SLC25A26: variants seen among roughly 807,000 people sequenced by gnomAD.
The protein encoded by SLC25A26 is solute carrier family 25 member 26, also known as mitochondrial S-adenosylmethionine carrier protein.
SLC25A26 carries 36 observed loss-of-function variants against 37.8 expected under a neutral mutation model. That is an observed-to-expected ratio of 0.95 (90% CI 0.73 to 1.26). The LOEUF (loss-of-function observed/expected upper bound fraction) is 1.26. SLC25A26 is among the 50% of genes most tolerant of loss of function. The pLI is 0.00. For missense variants in SLC25A26, 390 were observed against 331.1 expected, an observed-to-expected ratio of 1.18 and a Z score of -1.38; for synonymous variants, 129 against 122.5, an observed-to-expected ratio of 1.05 and a Z score of -0.35.
At chr3:66,294,238 ACCT>A (rs2074817558) in intron 5 of SLC25A26, among the ~76,000 whole-genome samples, 1 of 151,522 alleles carries the variant, frequency 6.6e-6, no homozygotes, top group African/African-American at 2.4e-5. Flanking sequence ...AGTATCTTTC[ACCT>A]CCTTGGTTAG....
chr3:66,314,829 A>C (rs911647229), intron 5 of SLC25A26, among the ~76,000 whole-genome samples: 1 of 151,654 alleles, frequency 6.6e-6, no homozygotes, highest in African/African-American at 2.4e-5. Flanking sequence ...CAGAGATTCC[A>C]ATTCCTTTTG....
At chr3:66,234,331 C>T (rs182787031) in intron 1 of SLC25A26, among the ~76,000 whole-genome samples, 103 of 152,304 alleles carry the variant, frequency 6.8e-4, no homozygotes, top group Admixed American at 3.9e-4. Context: ...TTTTACTTTC[C>T]TACATTACTT....
chr3:66,346,609 G>T (rs768710591), intron 6 of SLC25A26, among the ~76,000 whole-genome samples: 1 of 152,042 alleles, frequency 6.6e-6, no homozygotes, highest in Non-Finnish European at 1.5e-5. Flanking sequence ...TAGGAAATAG[G>T]CATAGCAGGT....
intron 5 of SLC25A26, among the ~76,000 whole-genome samples, chr3:66,301,104 A>C (rs2075063946): frequency 6.6e-6 from 1 of 152,190 alleles, no homozygotes; most frequent in Non-Finnish European, 1.5e-5. Flanking sequence ...TCTGAAATGG[A>C]AGATAGGGTT....
chr3:66,329,499 CT>C (rs113056527), intron 5 of SLC25A26, among the ~76,000 whole-genome samples: 9,544 of 151,822 alleles, frequency 0.063, 363 homozygotes, highest in African/African-American at 0.11. Context: ...CTAGTTCTCC[CT>C]TTTTTTTCCC....
At chr3:66,267,856 G>T (rs1449239181) in intron 5 of SLC25A26, among the ~76,000 whole-genome samples, 1 of 152,134 alleles carries the variant, frequency 6.6e-6, no homozygotes, top group Non-Finnish European at 1.5e-5. Flanking sequence ...TAATATCCAT[G>T]TTAGGCAGTG....
intron 1 of SLC25A26, among the ~76,000 whole-genome samples, chr3:66,147,839 ACCTCCG>A (rs1219411093): frequency 6.6e-6 from 1 of 151,780 alleles, no homozygotes; most frequent in Non-Finnish European, 1.5e-5. Flanking sequence ...GTTCACTGCA[ACCTCCG>A]CCTCCTGGGT....
chr3:66,300,255 TG>T lies in SLC25A26; in HGVS notation c.453+36877del, dbSNP rs368347836. ...CTTCTAGGCTAGGGTTTTTTTGTTTTGTTTTTTTTTTTTTTTTTGGTGTTAT... is the reference window on the plus strand; with the variant it reads ...CTTCTAGGCTAGGGTTTTTTTGTTTTTTTTTTTTTTTTTTTTTGGTGTTAT... On this transcript the variant is annotated intron_variant, in intron 5 of 9. Transcript: ENST00000354883. 1.6e-4 allele frequency among the ~76,000 whole-genome samples: 22 copies of T among 140,374 alleles called. 1 individual carries two copies. The highest frequency in any genetic ancestry group is 2.5e-4 in the Non-Finnish European group (16 of 64,218). 92.1% of individuals were successfully genotyped at this position (140,374 alleles called of 152,430 possible).
At chr3:66,210,973 C>G (rs1267562948) in intron 1 of SLC25A26, among the ~76,000 whole-genome samples, 3 of 152,162 alleles carry the variant, frequency 2.0e-5, no homozygotes, top group African/African-American at 7.2e-5. Context: ...GTGAATAGCA[C>G]AGAACTAAAA....
chr3:66,255,598 G>A (rs553042413), intron 3 of SLC25A26, among the ~76,000 whole-genome samples: 1 of 151,418 alleles, frequency 6.6e-6, no homozygotes, highest in Admixed American at 6.6e-5. Flanking sequence ...CACCATTCCT[G>A]TGTCATGGAT....
At chr3:66,231,792 G>T (rs1248103794) in intron 1 of SLC25A26, among the ~76,000 whole-genome samples, 1 of 147,228 alleles carries the variant, frequency 6.8e-6, no homozygotes, top group Admixed American at 6.9e-5. Context: ...TTAGAGACAG[G>T]ATCTTGCTCT....
intron 5 of SLC25A26, among the ~76,000 whole-genome samples, chr3:66,310,964 T>C (rs1392415877): frequency 6.6e-6 from 1 of 152,196 alleles, no homozygotes; most frequent in Non-Finnish European, 1.5e-5. Flanking sequence ...CTGATGATTA[T>C]GTGTCTTGGG....
chr3:66,258,696 A>G (rs1245781567), intron 3 of SLC25A26, among the ~76,000 whole-genome samples: 1 of 152,160 alleles, frequency 6.6e-6, no homozygotes, highest in Non-Finnish European at 1.5e-5. Context: ...TCACTGTATA[A>G]TTAATGTAAA....
At chr3:66,263,808 A>G (rs1348008573) in intron 5 of SLC25A26, among the ~76,000 whole-genome samples, 1 of 152,098 alleles carries the variant, frequency 6.6e-6, no homozygotes, top group East Asian at 2.0e-4. Flanking sequence ...ACGGGTGCCC[A>G]CCAGCACGCC....
chr3:66,208,230 C>A (rs1196382320), intron 1 of SLC25A26, among the ~76,000 whole-genome samples: 3 of 152,040 alleles, frequency 2.0e-5, no homozygotes, highest in Admixed American at 6.6e-5. Context: ...CATTGTTCAT[C>A]ATAATGACTT....
intron 5 of SLC25A26, among the ~76,000 whole-genome samples, chr3:66,337,760 A>G (rs2076123056): frequency 6.6e-6 from 1 of 152,044 alleles, no homozygotes; most frequent in African/African-American, 2.4e-5. Flanking sequence ...AGATGTACAG[A>G]AAGTAAACAG....
chr3:66,277,133 C>T (rs944820732), intron 5 of SLC25A26, among the ~76,000 whole-genome samples: 1 of 151,924 alleles, frequency 6.6e-6, no homozygotes, highest in African/African-American at 2.4e-5. Context: ...TTTAAAGACA[C>T]ACAAAAAAGA....
chr3:66,272,765 CTATTTGAATACCCTT>C (rs925228756), intron 5 of SLC25A26, among the ~76,000 whole-genome samples: 3 of 152,094 alleles, frequency 2.0e-5, no homozygotes, highest in African/African-American at 7.2e-5. Flanking sequence ...TCCTCTCTTC[CTATTTGAATACCCTT>C]TATTTGTTTC....
intron 3 of SLC25A26, among the ~76,000 whole-genome samples, chr3:66,252,928 A>C (rs1158377171): frequency 6.6e-6 from 1 of 151,810 alleles, no homozygotes; most frequent in African/African-American, 2.4e-5. Flanking sequence ...AGTAGCGGTA[A>C]GTATACTACT....
Sources: gnomAD v4.1 joint callset for allele counts (sites outside exome capture counted in the v4.1 genomes callset) on GRCh38, gnomAD v4.1.1 for gene constraint, MANE v1.5 for transcripts, NCBI Gene and HGNC (gene_info 2026-07-23, HGNC 2026-07-21) for gene names.